The following ABCG1 variants were observed in gnomAD, a reference collection of about 807,000 sequenced individuals.
ABCG1 encodes the protein ATP binding cassette subfamily G member 1.
A neutral mutation model predicts 69.2 loss-of-function variants in ABCG1; 29 were observed. The observed-to-expected ratio is 0.42, with a 90% CI of 0.31 to 0.57. The LOEUF (loss-of-function observed/expected upper bound fraction) is 0.57. Ranked by LOEUF, ABCG1 falls within the 20% of genes least tolerant of loss-of-function variation. ABCG1 has a pLI of 0.15. For synonymous variants in ABCG1, 370 were observed against 374.8 expected (o/e 0.99, Z 0.15); for missense variants, 718 against 898.1 (o/e 0.80, Z 2.56).
chr21:42,259,681 C>T (rs537139908), intron 2 of ABCG1, among the ~76,000 whole-genome samples: 2 of 152,290 alleles, frequency 1.3e-5, no homozygotes, highest in African/African-American at 2.4e-5. Context: ...AGTGGGCATT[C>T]GCACGTGCAT....
chr21:42,274,809 G>A (rs368136400), intron 4 of ABCG1, among the ~76,000 whole-genome samples: 20 of 152,110 alleles, frequency 1.3e-4, no homozygotes, highest in African/African-American at 4.8e-4. Context: ...AACTCATGGC[G>A]ACTGAAACCA....
chr21:42,240,436 G>A (rs2068034929), intron 2 of ABCG1, among the ~76,000 whole-genome samples: 1 of 152,218 alleles, frequency 6.6e-6, no homozygotes, highest in Admixed American at 6.5e-5. Flanking sequence ...TCACACTTAT[G>A]GCTTAAAAAG....
chr21:42,225,584 G>A, intron 1 of ABCG1, 87 bp from the exon 2 acceptor site: 1 of 1,504,330 alleles, frequency 6.6e-7, no homozygotes, highest in Non-Finnish European at 9.0e-7. Flanking sequence ...AATAACCAAT[G>A]ACCCTGAGCC....
At position 42,290,219 on chromosome 21, in the gene ABCG1, G is replaced by A; in HGVS notation, c.1393+1G>A. 2 of 1,612,890 alleles carry A rather than the reference G, an allele frequency of 1.2e-6. No homozygotes were observed. On this transcript the variant is annotated splice_donor_variant, in intron 11 of 14. Coordinates refer to ENST00000398449, the MANE Select transcript of ABCG1 (RefSeq NM_016818.3). LOFTEE classifies it high-confidence loss of function. The stretch of plus-strand genomic sequence containing the variant: ...GCCCTCATGCCTACTGTTCTGACAT[G>A]TGAGTGACAGACCGCTGACCCCTTC...
intron 2 of ABCG1, among the ~76,000 whole-genome samples, chr21:42,260,295 GGCCA>G (rs1601406154): frequency 6.6e-6 from 1 of 152,344 alleles, no homozygotes; most frequent in East Asian, 1.9e-4. Flanking sequence ...GCCCGGCTGG[GGCCA>G]GGGCTCCTCT....
chr21:42,224,200 C>T (rs988458930), intron 1 of ABCG1, among the ~76,000 whole-genome samples: 3 of 152,190 alleles, frequency 2.0e-5, no homozygotes, highest in African/African-American at 7.2e-5. Flanking sequence ...GACATCCCCC[C>T]TCCAAAGCCC....
chr21:42,225,953 A>G (rs2067810806), intron 2 of ABCG1, 39 bp downstream of exon 2: 1 of 1,597,890 alleles, frequency 6.3e-7, no homozygotes, highest in Non-Finnish European at 8.5e-7. Context: ...AGCTGGGAGG[A>G]GCCTCTGAAG....
At chr21:42,271,723 G>A (rs1321564939) in intron 3 of ABCG1, among the ~76,000 whole-genome samples, 1 of 152,058 alleles carries the variant, frequency 6.6e-6, no homozygotes, top group African/African-American at 2.4e-5. Context: ...CTCTACTGAA[G>A]ATACAGAAAA....
At chr21:42,204,302 G>A (rs2067527435) in intron 2 of ABCG1, among the ~76,000 whole-genome samples, 2 of 152,168 alleles carry the variant, frequency 1.3e-5, no homozygotes, top group African/African-American at 4.8e-5. Flanking sequence ...AGTGGTGAAA[G>A]CAAACATCCT....
upstream of ABCG1, chr21:42,219,032 C>G (rs919500710): frequency 8.2e-6 from 2 of 242,848 alleles, no homozygotes; most frequent in Non-Finnish European, 1.5e-5. This position sits in a 1 kb window ranked among gnomAD's most constrained non-coding sequence, Gnocchi z 5.3. Context: ...AGGAGCAAAA[C>G]AAGAGCACGC....
upstream of ABCG1, among the ~76,000 whole-genome samples, chr21:42,215,466 G>C (rs376407475): frequency 1.9e-4 from 29 of 152,362 alleles, no homozygotes; most frequent in African/African-American, 6.7e-4. Context: ...GACTTCCATT[G>C]ACTCCACTCG....
chr21:42,271,108 A>C lies in ABCG1; in HGVS notation c.325A>C (p.Asn109His), dbSNP rs201167897. The C allele has an allele frequency of 6.3e-7, 1 of 1,578,912 alleles. No homozygotes were observed. Among genetic ancestry groups the C allele is most frequent in the East Asian group, 2.4e-5 (1 of 41,664 alleles). Residue 109 changes from asparagine (N) to histidine (H), a missense_variant, in exon 3 of 15, where the codon AAT (asparagine) becomes CAT (histidine). Physicochemically the swap from Asn to His is moderately conservative, Grantham distance 68. Coordinates refer to ENST00000398449, the MANE Select transcript of ABCG1 (RefSeq NM_016818.3). ...CCTGAAAGGAATTTCCGGGAAGTTC[A>C]ATAGTGGTGAGTTGGTGGCCATTAT... is the stretch of plus-strand genomic sequence containing the variant. The part of the protein sequence containing the change: ...TLLKGISGKF[N>H]SGELVAIMGP...
rs756149410 is a variant in ABCG1, at chr21:42,219,318, T to C, written c.42+14T>C. ...GGCACCGCCATGGTGAGTGAGCGCA[T>C]CCTTCGTCCGCCGGGAACGGTTTTA... On this transcript the variant is annotated intron_variant, in intron 1 of 14. Coordinates refer to ENST00000398449, the MANE Select transcript of ABCG1 (RefSeq NM_016818.3). The surrounding 1 kb of genome is among the most constrained non-coding windows in gnomAD (Gnocchi z 5.3). 3.1e-6 allele frequency: 5 copies of C among 1,597,600 alleles called. No homozygotes were observed. Among genetic ancestry groups the C allele is most frequent in the African/African-American group, 2.7e-5 (2 of 73,452 alleles).
chr21:42,225,992 G>T, intron 2 of ABCG1, 78 bp downstream of exon 2: 1 of 1,535,924 alleles, frequency 6.5e-7, no homozygotes, highest in Non-Finnish European at 8.8e-7. Context: ...GGCAAAATCG[G>T]GGTCTGGAGG....
In ABCG1 at chr21:42,225,684, A is replaced by T. The variant is rs770931068; in HGVS notation, c.56A>T (p.Tyr19Phe). 6.2e-7 allele frequency: 1 copy of T among 1,607,588 alleles called. No individual in the cohort carries two copies. Among genetic ancestry groups the T allele is most frequent in the Non-Finnish European group, 8.5e-7 (1 of 1,178,800 alleles). Residue 19 changes from tyrosine to phenylalanine, a missense_variant, in exon 2 of 15, where the codon TAC becomes TTC. This residue lies in a region of ABCG1 where 514 missense variants were observed against 574.3 expected (regional missense o/e 0.90). Coordinates refer to ENST00000398449, the MANE Select transcript of ABCG1 (RefSeq NM_016818.3). ...TGGTTTTTCTAGAATGCCAGCAGTT[A>T]CTCTGCAGAGATGACGGAGCCCAAG... ...SVGTAMNASS[Y>F]SAEMTEPKSV...
intron 2 of ABCG1, among the ~76,000 whole-genome samples, chr21:42,245,310 A>AACCT (rs1423653469): frequency 2.0e-5 from 3 of 152,254 alleles, no homozygotes; most frequent in Admixed American, 6.5e-5. Flanking sequence ...ACTTACAAGG[A>AACCT]ACCTGTTGGG....
At chr21:42,293,343 CT>C in intron 13 of ABCG1, among the ~76,000 whole-genome samples, 1 of 143,380 alleles carries the variant, frequency 7.0e-6, no homozygotes, top group African/African-American at 2.6e-5. Context: ...ACACTACACA[CT>C]ACCCACCACA....
At chr21:42,283,822 TGGACAGTTGCAAAGTCCCCCC>T in intron 6 of ABCG1, among the ~76,000 whole-genome samples, 2 of 61,014 alleles carry the variant, frequency 3.3e-5, no homozygotes, top group African/African-American at 1.4e-4. Flanking sequence ...CTGTCCCGCC[TGGACAGTTGCAAAGTCCCCCC>T]GCCCAGATGA....
intron 1 of ABCG1, among the ~76,000 whole-genome samples, chr21:42,220,568 A>G (rs902746850): frequency 6.6e-6 from 1 of 152,264 alleles, no homozygotes; most frequent in Non-Finnish European, 1.5e-5. Context: ...GGCCGCAGAC[A>G]TGGCCAGGCG....
Sources: gnomAD v4.1 joint callset for allele counts (sites outside exome capture counted in the v4.1 genomes callset) on GRCh38, gnomAD v4.1.1 for gene constraint, gnomAD v4.1.1 regional missense constraint, Gnocchi (gnomAD v3.1) non-coding constraint, MANE v1.5 for transcripts, NCBI Gene and HGNC (gene_info 2026-07-23, HGNC 2026-07-21) for gene names.